OPRM1: variants seen among roughly 807,000 people sequenced by gnomAD.
OPRM1 encodes the protein opioid receptor mu 1.
OPRM1 carries 27 observed loss-of-function variants against 31.8 expected under a neutral mutation model. That is an observed-to-expected ratio of 0.85 (90% CI 0.63 to 1.17). The LOEUF (loss-of-function observed/expected upper bound fraction) is 1.17. Ranked by LOEUF, OPRM1 falls within the 50% of genes most tolerant of loss-of-function variation. The pLI is 0.00. For missense variants in OPRM1, 536 were observed against 511.1 expected, an observed-to-expected ratio of 1.05 and a Z score of -0.47; for synonymous variants, 196 against 189.9, an observed-to-expected ratio of 1.03 and a Z score of -0.26.
intron 1 of OPRM1, among the ~76,000 whole-genome samples, chr6:154,059,829 A>G (rs571010639): frequency 2.6e-5 from 4 of 152,350 alleles, no homozygotes; most frequent in South Asian, 2.1e-4. Context: ...TTTTGAAAGT[A>G]ACTTTTAAGT....
chr6:154,093,209 A>G lies in OPRM1; in HGVS notation c.1164+1737A>G, dbSNP rs1456700270. The G allele has an allele frequency of 2.7e-6, 4 of 1,470,328 alleles. No homozygotes were observed. In the East Asian group the frequency reaches 9.2e-5, roughly 34 times the overall value. The allele number at this position is 1,470,328 out of a possible 1,614,324, so 91.1% of individuals were successfully genotyped here. A position where few individuals can be genotyped will look rare whatever the true frequency, so the allele number is the denominator to read the frequency against. ...AGGATAAAATATTTTGCTTTGAAGT[A>G]AAATATTTCCATTGGAGCAAAATAA... On this transcript the variant is annotated intron_variant, in intron 3 of 3. Coordinates refer to ENST00000330432, the MANE Select transcript of OPRM1 (RefSeq NM_000914.5).
intron 3 of OPRM1, among the ~76,000 whole-genome samples, chr6:154,116,293 A>G (rs1021688127): frequency 4.6e-5 from 7 of 152,100 alleles, no homozygotes; most frequent in Non-Finnish European, 1.0e-4. Context: ...TTGACTTAAG[A>G]AAATCTTCTT....
At position 154,126,511 on chromosome 6, in the gene OPRM1, C is replaced by T. The variant is rs971572724; in HGVS notation, c.*7790C>T. Among the ~76,000 whole-genome samples, 9 of 152,224 alleles carry T rather than the reference C, an allele frequency of 5.9e-5. No individual in the cohort carries two copies. The highest frequency in any genetic ancestry group is 2.2e-4 in the African/African-American group (9 of 41,454). ...GCAAAATTCAAATGTCTCATAGGCTCTTCTTCCCTGGTTCCCTCAGGAGCT... is the reference window on the plus strand; with the variant it reads ...GCAAAATTCAAATGTCTCATAGGCTTTTCTTCCCTGGTTCCCTCAGGAGCT... On this transcript the variant is annotated 3_prime_UTR_variant, in exon 4 of 4. Transcript: ENST00000330432.
chr6:154,069,210 T>G (rs186547121), intron 1 of OPRM1, among the ~76,000 whole-genome samples: 1 of 152,300 alleles, frequency 6.6e-6, no homozygotes, highest in Admixed American at 6.5e-5. Flanking sequence ...TTTAGTTTGA[T>G]GTAATCTTAT....
At chr6:154,244,969 G>A (rs1780909964) in intron 3 of OPRM1, among the ~76,000 whole-genome samples, 2 of 152,090 alleles carry the variant, frequency 1.3e-5, no homozygotes, top group South Asian at 4.1e-4. Context: ...GAGGACTATC[G>A]CTTGCCACAA....
chr6:154,068,139 T>C lies in OPRM1; in HGVS notation c.291-21687T>C, dbSNP rs1343571894. Among the ~76,000 whole-genome samples the C allele has an allele frequency of 2.0e-5, 3 of 152,156 alleles. No homozygotes were observed. In the East Asian group the frequency reaches 5.8e-4, roughly 29 times the overall value. On this transcript the variant is annotated intron_variant, in intron 1 of 3. Transcript: ENST00000330432. Reference sequence around the variant, plus strand: ...CATTTCAACAAGTAATCGATGTAAATTTCTTAAATCATGTACCACATGATA... The same window carrying C: ...CATTTCAACAAGTAATCGATGTAAACTTCTTAAATCATGTACCACATGATA...
chr6:154,057,831 T>C (rs1431336199), intron 1 of OPRM1, among the ~76,000 whole-genome samples: 1 of 152,164 alleles, frequency 6.6e-6, no homozygotes, highest in African/African-American at 2.4e-5. Flanking sequence ...ATGAATACCC[T>C]GTCACACGAA....
intron 3 of OPRM1, among the ~76,000 whole-genome samples, chr6:154,152,336 A>G (rs1222682704): frequency 7.9e-5 from 1 of 12,618 alleles, no homozygotes. Flanking sequence ...AGAAAGAAAG[A>G]AAGAAAGAAA....
chr6:154,160,495 C>G (rs1798922286), intron 3 of OPRM1, among the ~76,000 whole-genome samples: 1 of 152,130 alleles, frequency 6.6e-6, no homozygotes, highest in Non-Finnish European at 1.5e-5. Flanking sequence ...ATTAAATTAT[C>G]TTTATTTTTA....
chr6:154,070,990 G>A (rs150613680), intron 1 of OPRM1, among the ~76,000 whole-genome samples: 56 of 152,282 alleles, frequency 3.7e-4, no homozygotes, highest in African/African-American at 1.3e-3. Flanking sequence ...ACATTGGATA[G>A]ACATTGTAAG....
intron 3 of OPRM1, chr6:154,159,953 T>C: frequency 6.2e-7 from 1 of 1,613,544 alleles, no homozygotes; most frequent in Non-Finnish European, 8.5e-7. Context: ...AGCAGGGTGT[T>C]CATGACTTTC....
At chr6:154,162,751 T>C (rs1421519565) in intron 3 of OPRM1, among the ~76,000 whole-genome samples, 1 of 152,206 alleles carries the variant, frequency 6.6e-6, no homozygotes, top group African/African-American at 2.4e-5. Flanking sequence ...CCCACTCTCC[T>C]ATGTGCTGAG....
In OPRM1 at chr6:154,121,397, C is replaced by T. The variant is rs1024216760; in HGVS notation, c.*2676C>T. Reference sequence around the variant, plus strand: ...GACTCGCTGGAGCACTGGTGAGTCTCTAGGACCCTGCTATCCTATCCCAAC... The same window carrying T: ...GACTCGCTGGAGCACTGGTGAGTCTTTAGGACCCTGCTATCCTATCCCAAC... On this transcript the variant is annotated 3_prime_UTR_variant, in exon 4 of 4. Coordinates refer to ENST00000330432, the MANE Select transcript of OPRM1 (RefSeq NM_000914.5). Among the ~76,000 whole-genome samples the T allele has an allele frequency of 6.6e-6, 1 of 152,196 alleles. No homozygotes were observed. The highest frequency in any genetic ancestry group is 2.4e-5 in the African/African-American group (1 of 41,458).
intron 3 of OPRM1, among the ~76,000 whole-genome samples, chr6:154,139,628 A>C (rs1798146763): frequency 6.6e-6 from 1 of 152,170 alleles, no homozygotes; most frequent in Admixed American, 6.5e-5. Flanking sequence ...CTTAGTTTAT[A>C]GCTATCCTTA....
At chr6:154,203,560 A>G (rs1296477571) in intron 3 of OPRM1, among the ~76,000 whole-genome samples, 2 of 152,128 alleles carry the variant, frequency 1.3e-5, no homozygotes, top group Non-Finnish European at 2.9e-5. Context: ...GGATACAGGG[A>G]GCCGACTTTT....
chr6:154,039,168 T>C, upstream of OPRM1: 1 of 1,551,624 alleles, frequency 6.4e-7, no homozygotes, highest in Non-Finnish European at 8.7e-7. Context: ...TAGATGTGTT[T>C]GCACAGAAGA....
chr6:154,202,115 C>A (rs1199040030), intron 3 of OPRM1, among the ~76,000 whole-genome samples: 1 of 152,098 alleles, frequency 6.6e-6, no homozygotes, highest in East Asian at 1.9e-4. Context: ...TAATGTGTAC[C>A]CAATCAGTTC....
chr6:154,120,950 A>T lies in OPRM1; in HGVS notation c.*2229A>T, dbSNP rs753784685. On this transcript the variant is annotated 3_prime_UTR_variant, in exon 4 of 4. Transcript: ENST00000330432. ...AGTTATTTTTAAAATAAGACATTCT[A>T]AAGTAAATAATAAATAAGGTCATTG... is the stretch of plus-strand genomic sequence containing the variant. Among the ~76,000 whole-genome samples the T allele has an allele frequency of 3.3e-5, 5 of 152,188 alleles. No homozygotes were observed. The highest frequency in any genetic ancestry group is 7.4e-5 in the Non-Finnish European group (5 of 68,018).
rs146426878 is a variant in OPRM1 at position 154,206,216 on chromosome 6, C to G, written c.1165-40477C>G. Reference sequence around the variant, plus strand: ...CATAAGCAGCTTGCAAATGCTACTTCCGATAGCTATGTGTATTTCTCTGGA... The same window carrying G: ...CATAAGCAGCTTGCAAATGCTACTTGCGATAGCTATGTGTATTTCTCTGGA... On this transcript the variant is annotated intron_variant, in intron 3 of 3. Coordinates refer to the OPRM1 transcript ENST00000337049. 2.8e-3 allele frequency among the ~76,000 whole-genome samples: 426 copies of G among 152,288 alleles called. 4 individuals are homozygous for G. Among genetic ancestry groups the G allele is most frequent in the African/African-American group, 9.7e-3 (401 of 41,552 alleles).
Sources: allele counts gnomAD v4.1 joint callset (sites outside exome capture counted in the v4.1 genomes callset), GRCh38; gene constraint gnomAD v4.1.1; transcripts MANE v1.5; gene names NCBI Gene and HGNC (gene_info 2026-07-23, HGNC 2026-07-21).